MCF2L2: variants seen among roughly 807,000 people sequenced by gnomAD.
The protein encoded by MCF2L2 is MCF.2 cell line derived transforming sequence-like 2.
MCF2L2 carries 102 observed loss-of-function variants against 150.2 expected under a neutral mutation model. That is an observed-to-expected ratio of 0.68 (90% CI 0.58 to 0.80). The LOEUF is 0.80. Among genes scored for constraint, MCF2L2 ranks in the 30% least tolerant of loss-of-function variants. MCF2L2 has a pLI of 0.00. For missense variants in MCF2L2, 1,256 were observed against 1,372.8 expected (o/e 0.91, Z 1.34); for synonymous variants, 465 against 491.3 (o/e 0.95, Z 0.71).
intron 22 of MCF2L2, among the ~76,000 whole-genome samples, chr3:183,210,761 G>A (rs1013017754): frequency 6.6e-6 from 1 of 152,160 alleles, no homozygotes; most frequent in Non-Finnish European, 1.5e-5. Context: ...CAGAAATGCT[G>A]AAGAGGCAGC....
chr3:183,357,417 A>G (rs1193102886), intron 3 of MCF2L2, among the ~76,000 whole-genome samples: 1 of 152,190 alleles, frequency 6.6e-6, no homozygotes, highest in East Asian at 1.9e-4. Flanking sequence ...AAAACAAAAC[A>G]AAAAGAGTCC....
At chr3:183,216,223 T>A in intron 21 of MCF2L2, 129 bp from the exon 22 acceptor site, 1 of 987,102 alleles carries the variant, frequency 1.0e-6, no homozygotes, top group Non-Finnish European at 1.5e-6. Flanking sequence ...TATTGATCTG[T>A]CTCCCTGCTC....
chr3:183,341,591 G>T lies in MCF2L2; in HGVS notation c.315C>A (p.Asp105Glu). ...AASIGFIVVI[D>E]RRRDKWSSVK... ...CGGAGCTCCACTTGTCTCTTCGTCT[G>T]TCGATAACAACAATGAATCCAATGC... Residue 105 changes from aspartate (D) to glutamate (E), a missense_variant, in exon 4 of 30, where the codon GAC (aspartate) becomes GAA (glutamate). Asp to Glu is a conservative substitution (Grantham distance 45). Transcript: ENST00000328913. 1 of 1,614,102 alleles carries T rather than the reference G, an allele frequency of 6.2e-7. No individual in the cohort carries two copies. The highest frequency in any genetic ancestry group is 8.5e-7 in the Non-Finnish European group (1 of 1,179,958).
At chr3:183,198,850 A>T (rs1413005701) in intron 25 of MCF2L2, among the ~76,000 whole-genome samples, 1 of 152,196 alleles carries the variant, frequency 6.6e-6, no homozygotes, top group Non-Finnish European at 1.5e-5. Flanking sequence ...TGCAGGGAAC[A>T]AGTGACTTTT....
intron 15 of MCF2L2, among the ~76,000 whole-genome samples, chr3:183,263,363 T>C (rs1246310300): frequency 6.6e-6 from 1 of 152,146 alleles, no homozygotes; most frequent in African/African-American, 2.4e-5. Context: ...AGGGTCCATC[T>C]TTAGACCCTC....
intron 15 of MCF2L2, among the ~76,000 whole-genome samples, chr3:183,253,091 T>C (rs1724650712): frequency 1.3e-5 from 2 of 152,182 alleles, no homozygotes; most frequent in Non-Finnish European, 2.9e-5. Flanking sequence ...GGAATTCTCA[T>C]CTACAGACAA....
intron 7 of MCF2L2, among the ~76,000 whole-genome samples, chr3:183,317,121 TGTTCGTTAAG>T (rs1215888474): frequency 2.6e-5 from 4 of 152,212 alleles, no homozygotes; most frequent in Admixed American, 1.3e-4. Context: ...AACTAGACTG[TGTTCGTTAAG>T]GTTGAGTTTT....
intron 3 of MCF2L2, chr3:183,377,066 A>G (rs1266161659): frequency 1.3e-5 from 2 of 152,210 alleles, no homozygotes; most frequent in East Asian, 3.8e-4. Flanking sequence ...GGATACATGT[A>G]CAGAACATGC....
In MCF2L2 at chr3:183,295,318, T is replaced by C. The variant is rs1483942284; in HGVS notation, c.1657A>G (p.Ser553Gly). 6.2e-7 allele frequency: 1 copy of C among 1,608,386 alleles called. No individual in the cohort carries two copies. Among genetic ancestry groups the C allele is most frequent in the South Asian group, 1.1e-5 (1 of 90,518 alleles). Residue 553 changes from serine to glycine, a missense_variant, in exon 13 of 30, where the codon AGC becomes GGC. Transcript: ENST00000328913. ...SSPKWVSSKT[S>G]QPSTSVPLAR... ...AACCTACCCGAGGTGGAGGGCTGGC[T>C]GGTTTTTGATGACACCCATTTTGGT...
chr3:183,392,746 T>G (rs558463483), intron 1 of MCF2L2, among the ~76,000 whole-genome samples: 15 of 152,268 alleles, frequency 9.9e-5, no homozygotes, highest in African/African-American at 3.6e-4. Flanking sequence ...ACACTTGTGG[T>G]CCTGTTGGAA....
intron 15 of MCF2L2, among the ~76,000 whole-genome samples, chr3:183,255,803 A>G (rs1724987446): frequency 6.8e-6 from 1 of 147,292 alleles, no homozygotes; most frequent in South Asian, 2.1e-4. Flanking sequence ...AAATGGTGAG[A>G]TTGTAAAAAA....
chr3:183,219,431 C>T (rs1226938538), intron 21 of MCF2L2, among the ~76,000 whole-genome samples: 1 of 151,820 alleles, frequency 6.6e-6, no homozygotes, highest in African/African-American at 2.4e-5. Context: ...GCCAACATGG[C>T]GAAACCCCGT....
chr3:183,305,639 A>G lies in MCF2L2; in HGVS notation c.1113+4077T>C, dbSNP rs551212323. On this transcript the variant is annotated intron_variant, in intron 10 of 29. Transcript: ENST00000328913. The surrounding 1 kb of genome is among the most constrained non-coding windows in gnomAD (Gnocchi z 4.1). ...GCCAAGGCCGGCGGATCACAAGGTCAGGAGTTAGAGACCAGCCTGACCAAC... is the reference window on the plus strand; with the variant it reads ...GCCAAGGCCGGCGGATCACAAGGTCGGGAGTTAGAGACCAGCCTGACCAAC... Among the ~76,000 whole-genome samples, 3 of 152,350 alleles carry G rather than the reference A, an allele frequency of 2.0e-5. No individual in the cohort carries two copies. The South Asian group carries it at 6.2e-4, about 32-fold the overall frequency.
chr3:183,272,952 G>T, intron 15 of MCF2L2: 1 of 1,438,784 alleles, frequency 7.0e-7, no homozygotes, highest in Non-Finnish European at 9.1e-7. Flanking sequence ...GCTTAGAATA[G>T]AATGGAACAA....
At chr3:183,215,517 C>A (rs1722881462) in intron 22 of MCF2L2, among the ~76,000 whole-genome samples, 1 of 152,168 alleles carries the variant, frequency 6.6e-6, no homozygotes, top group Non-Finnish European at 1.5e-5. Flanking sequence ...TGCATGTACA[C>A]TATATACTTT....
chr3:183,198,110 C>T (rs992905042), intron 25 of MCF2L2, among the ~76,000 whole-genome samples: 2 of 152,172 alleles, frequency 1.3e-5, no homozygotes, highest in Admixed American at 6.5e-5. Flanking sequence ...AAACACATGT[C>T]CACACAAAGA....
chr3:183,206,236 A>C (rs768719436), intron 23 of MCF2L2, 22 bp from the exon 24 acceptor site: 5 of 1,528,624 alleles, frequency 3.3e-6, no homozygotes, highest in Non-Finnish European at 4.5e-6. Flanking sequence ...AGGGAAGAGA[A>C]ATGTTCTATA....
intron 5 of MCF2L2, among the ~76,000 whole-genome samples, chr3:183,336,341 T>TTCTTAA (rs1218520559): frequency 6.6e-6 from 1 of 152,152 alleles, no homozygotes; most frequent in East Asian, 1.9e-4. Context: ...CTTTGTGCTA[T>TTCTTAA]TCTTATTCTT....
chr3:183,183,360 C>T (rs1295485752), intron 27 of MCF2L2, among the ~76,000 whole-genome samples: 1 of 152,202 alleles, frequency 6.6e-6, no homozygotes, highest in Non-Finnish European at 1.5e-5. Context: ...ATTCACTGGT[C>T]ATGGGCTCTG....
Sources: allele counts gnomAD v4.1 joint callset (sites outside exome capture counted in the v4.1 genomes callset), GRCh38; gene constraint gnomAD v4.1.1; non-coding constraint Gnocchi (gnomAD v3.1); transcripts MANE v1.5; gene names NCBI Gene and HGNC (gene_info 2026-07-23, HGNC 2026-07-21).